FGGY: variants seen among roughly 807,000 people sequenced by gnomAD.
The protein encoded by FGGY is FGGY carbohydrate kinase domain-containing protein.
FGGY carries 72 observed loss-of-function variants against 71.3 expected under a neutral mutation model. That is an observed-to-expected ratio of 1.01 (90% CI 0.84 to 1.23). The LOEUF is 1.23. Ranked by LOEUF, FGGY falls within the 50% of genes most tolerant of loss-of-function variation. The pLI is 0.00. For synonymous variants in FGGY, 251 were observed against 250.3 expected (o/e 1.00, Z -0.02); for missense variants, 668 against 682.3 (o/e 0.98, Z 0.23).
chr1:59,678,320 C>G (rs1284833423), intron 14 of FGGY, among the ~76,000 whole-genome samples: 1 of 152,132 alleles, frequency 6.6e-6, no homozygotes, highest in Non-Finnish European at 1.5e-5. Flanking sequence ...CCTCCCCCAT[C>G]ATCAGTAGAG....
chr1:59,604,246 T>A (rs2096602797), intron 8 of FGGY, among the ~76,000 whole-genome samples: 1 of 152,170 alleles, frequency 6.6e-6, no homozygotes, highest in South Asian at 2.1e-4. Flanking sequence ...ACAAAAAGAT[T>A]TTTAAATATT....
intron 8 of FGGY, among the ~76,000 whole-genome samples, chr1:59,587,243 G>C (rs182026330): frequency 0.053 from 8,078 of 152,218 alleles, 426 homozygotes; most frequent in African/African-American, 0.14. Context: ...GGCTGGGGGA[G>C]GGGCGCCCGC....
chr1:59,536,457 G>A (rs1016096181), intron 7 of FGGY, among the ~76,000 whole-genome samples: 2 of 152,174 alleles, frequency 1.3e-5, no homozygotes, highest in Non-Finnish European at 2.9e-5. Flanking sequence ...GAAAAAGAAG[G>A]TATCCTCCCT....
intron 5 of FGGY, among the ~76,000 whole-genome samples, chr1:59,442,085 A>T (rs574319699): frequency 5.9e-5 from 9 of 152,292 alleles, no homozygotes; most frequent in East Asian, 1.9e-4. Context: ...TTCACCAATC[A>T]TGCAGAGGGT....
At chr1:59,648,942 G>A (rs1160764795) in intron 11 of FGGY, among the ~76,000 whole-genome samples, 3 of 151,528 alleles carry the variant, frequency 2.0e-5, no homozygotes, top group African/African-American at 4.9e-5. Flanking sequence ...TGTAAGGAAG[G>A]GATCCAGTTT....
At chr1:59,652,754 G>T (rs547999066) in intron 11 of FGGY, among the ~76,000 whole-genome samples, 1 of 151,680 alleles carries the variant, frequency 6.6e-6, no homozygotes, top group African/African-American at 2.4e-5. Flanking sequence ...CTCTCAGCTC[G>T]TCAAAGTCAT....
At chr1:59,474,623 T>C (rs1264041007) in intron 6 of FGGY, among the ~76,000 whole-genome samples, 1 of 152,236 alleles carries the variant, frequency 6.6e-6, no homozygotes, top group Non-Finnish European at 1.5e-5. Flanking sequence ...ACGATTTACA[T>C]AGGTAAATTT....
At chr1:59,543,671 C>A (rs575278299) in intron 7 of FGGY, among the ~76,000 whole-genome samples, 1 of 152,262 alleles carries the variant, frequency 6.6e-6, no homozygotes, top group African/African-American at 2.4e-5. Context: ...AGAGAGCTAG[C>A]CTGCTAATTA....
rs564731745 is a variant in FGGY at position 59,297,122 on chromosome 1, G to A, written c.-43G>A. The A allele has an allele frequency of 9.2e-5, 14 of 152,878 alleles. No individual in the cohort carries two copies. The highest frequency in any genetic ancestry group is 2.9e-4 in the African/African-American group (12 of 41,516). The allele number at this position is 152,878 out of a possible 1,614,324, so 9.5% of individuals were successfully genotyped here. A position where few individuals can be genotyped will look rare whatever the true frequency, so the allele number is the denominator to read the frequency against. On this transcript the variant is annotated 5_prime_UTR_variant, in exon 1 of 16. Coordinates refer to ENST00000303721, the MANE Select transcript of FGGY (RefSeq NM_018291.5). The stretch of plus-strand genomic sequence containing the variant: ...CCCGCCGGGCCGTTGTTCCCGAGAC[G>A]TTGTTGAGTCCCCTGTGTCCTCTTC...
At chr1:59,750,234 C>A (rs1049959693) in intron 14 of FGGY, among the ~76,000 whole-genome samples, 7 of 152,274 alleles carry the variant, frequency 4.6e-5, no homozygotes, top group African/African-American at 1.4e-4. Context: ...TCCTCCCCTC[C>A]TTTATGACCA....
intron 8 of FGGY, among the ~76,000 whole-genome samples, chr1:59,605,395 C>T (rs933294858): frequency 1.3e-5 from 2 of 152,170 alleles, no homozygotes; most frequent in Non-Finnish European, 2.9e-5. Flanking sequence ...GGTCTGCTTC[C>T]CTCTCAAGAT....
At chr1:59,551,831 A>G (rs2095612598) in intron 7 of FGGY, among the ~76,000 whole-genome samples, 1 of 152,198 alleles carries the variant, frequency 6.6e-6, no homozygotes, top group South Asian at 2.1e-4. Context: ...TAGAAAGAGC[A>G]TGTAAAAAGA....
intron 4 of FGGY, among the ~76,000 whole-genome samples, chr1:59,353,372 A>G (rs2053661666): frequency 6.6e-6 from 1 of 152,246 alleles, no homozygotes; most frequent in Non-Finnish European, 1.5e-5. Flanking sequence ...ATCCTATTTC[A>G]TGGGGCTGGC....
intron 8 of FGGY, among the ~76,000 whole-genome samples, chr1:59,587,356 T>C (rs1449334800): frequency 4.6e-5 from 7 of 152,042 alleles, no homozygotes; most frequent in Non-Finnish European, 1.0e-4. Context: ...AGGCTCCACC[T>C]CTGGGGGCAG....
intron 8 of FGGY, among the ~76,000 whole-genome samples, chr1:59,580,664 TA>T (rs1244147896): frequency 6.6e-5 from 10 of 152,206 alleles, no homozygotes; most frequent in African/African-American, 2.4e-4. Context: ...TGTAGAATTG[TA>T]AAGTAGCTGT....
chr1:59,506,268 C>T (rs1410467006), intron 6 of FGGY, among the ~76,000 whole-genome samples: 1 of 152,024 alleles, frequency 6.6e-6, no homozygotes, highest in Non-Finnish European at 1.5e-5. Flanking sequence ...CACTGGATCC[C>T]AACCCATGCT....
At chr1:59,604,687 C>T (rs1245249904) in intron 8 of FGGY, among the ~76,000 whole-genome samples, 1 of 152,208 alleles carries the variant, frequency 6.6e-6, no homozygotes, top group Non-Finnish European at 1.5e-5. Flanking sequence ...TTGAGGTCAA[C>T]ATCTGCCTCA....
intron 1 of FGGY, 77 bp from the exon 2 acceptor site, chr1:59,321,459 C>A: frequency 7.4e-7 from 1 of 1,342,732 alleles, no homozygotes; most frequent in Non-Finnish European, 1.0e-6. Context: ...TCTTTTATTT[C>A]TACTTTTGAG....
chr1:59,429,773 G>T (rs1293402075), intron 5 of FGGY, among the ~76,000 whole-genome samples: 3 of 152,270 alleles, frequency 2.0e-5, no homozygotes, highest in South Asian at 4.1e-4. Flanking sequence ...GGCCAGTATT[G>T]GCTAGGCTGG....
Sources: allele counts gnomAD v4.1 joint callset (sites outside exome capture counted in the v4.1 genomes callset), GRCh38; gene constraint gnomAD v4.1.1; transcripts MANE v1.5; gene names NCBI Gene and HGNC (gene_info 2026-07-23, HGNC 2026-07-21).